Variants in COL26A1 observed in about 807,000 individuals in gnomAD.
COL26A1 encodes collagen alpha-1(XXVI) chain.
COL26A1 carries 41 observed loss-of-function variants against 59.3 expected under a neutral mutation model. The observed-to-expected ratio is 0.69, with a 90% CI of 0.54 to 0.90. COL26A1 has a LOEUF of 0.90. Among genes scored for constraint, COL26A1 ranks in the 40% least tolerant of loss-of-function variants. The probability of loss-of-function intolerance (pLI) is 0.00; values close to 1 mark genes in which losing one functional copy is unlikely to be tolerated. For missense variants in COL26A1, 612 were observed against 602.3 expected, an observed-to-expected ratio of 1.02 and a Z score of -0.17; for synonymous variants, 266 against 256.0, an observed-to-expected ratio of 1.04 and a Z score of -0.37.
intron 3 of COL26A1, among the ~76,000 whole-genome samples, chr7:101,517,265 C>T (rs898416673): frequency 6.6e-6 from 1 of 152,208 alleles, no homozygotes; most frequent in Admixed American, 6.5e-5. Context: ...CCTGTTCCTC[C>T]GTTGGGTGTC....
chr7:101,536,556 G>A (rs545898989), intron 4 of COL26A1, among the ~76,000 whole-genome samples: 1 of 152,366 alleles, frequency 6.6e-6, no homozygotes, highest in South Asian at 2.1e-4. Flanking sequence ...CAGGACAGGA[G>A]CCAGGCAGGC....
At chr7:101,550,142 A>G (rs964787112) in intron 9 of COL26A1, among the ~76,000 whole-genome samples, 2 of 152,174 alleles carry the variant, frequency 1.3e-5, no homozygotes, top group African/African-American at 2.4e-5. Flanking sequence ...GGGTGATTCC[A>G]TGATCTTATT....
At chr7:101,542,937 A>G (rs986258803) in intron 5 of COL26A1, among the ~76,000 whole-genome samples, 1 of 152,198 alleles carries the variant, frequency 6.6e-6, no homozygotes, top group African/African-American at 2.4e-5. Context: ...ACGAAAGCGC[A>G]TGCCTGGCAA....
Position 101,362,881 on chromosome 7 carries a change from C to A in COL26A1, c.-152C>A. Reference sequence around the variant, plus strand: ...GCCCCGGAGAGGCGTGGGCGCCCCCCACACATTTCCAGCTCGCACCCGGGC... The same window carrying A: ...GCCCCGGAGAGGCGTGGGCGCCCCCAACACATTTCCAGCTCGCACCCGGGC... On this transcript the variant is annotated 5_prime_UTR_variant, in exon 1 of 13. Transcript: ENST00000313669. 1.4e-6 allele frequency: 1 copy of A among 727,704 alleles called. No individual in the cohort carries two copies. 45.1% of individuals were successfully genotyped at this position (727,704 alleles called of 1,614,324 possible).
At chr7:101,363,987 C>T (rs994960586) in intron 1 of COL26A1, among the ~76,000 whole-genome samples, 8 of 152,180 alleles carry the variant, frequency 5.3e-5, no homozygotes, top group African/African-American at 1.9e-4. Context: ...CTGCGACTCC[C>T]CAGCCACCCC....
chr7:101,384,631 C>CT (rs1791525390), intron 1 of COL26A1, among the ~76,000 whole-genome samples: 1 of 152,070 alleles, frequency 6.6e-6, no homozygotes, highest in African/African-American at 2.4e-5. Flanking sequence ...AGTGGAGACT[C>CT]TTATAGTCTT....
intron 3 of COL26A1, among the ~76,000 whole-genome samples, chr7:101,480,650 G>A (rs149585189): frequency 5.3e-5 from 8 of 152,080 alleles, no homozygotes; most frequent in African/African-American, 1.7e-4. Flanking sequence ...ATAGGCGTGC[G>A]TCACCATGCC....
chr7:101,506,825 C>T (rs145792216), intron 3 of COL26A1, among the ~76,000 whole-genome samples: 180 of 152,302 alleles, frequency 1.2e-3, no homozygotes, highest in African/African-American at 4.2e-3. Flanking sequence ...TCATACCTTT[C>T]TGTCCAATCC....
At chr7:101,440,029 G>A (rs946148799) in intron 2 of COL26A1, among the ~76,000 whole-genome samples, 2 of 152,112 alleles carry the variant, frequency 1.3e-5, no homozygotes, top group African/African-American at 2.4e-5. Flanking sequence ...TGTACACCCT[G>A]TTTTTGAGGG....
intron 3 of COL26A1, among the ~76,000 whole-genome samples, chr7:101,505,484 G>A (rs1794794810): frequency 6.6e-6 from 1 of 152,156 alleles, no homozygotes; most frequent in South Asian, 2.1e-4. Context: ...TTGTTAAGGA[G>A]TATTAACTCA....
At chr7:101,403,526 A>G (rs1031262729) in intron 1 of COL26A1, among the ~76,000 whole-genome samples, 1 of 145,404 alleles carries the variant, frequency 6.9e-6, no homozygotes, top group South Asian at 2.2e-4. Context: ...TTCAACAACA[A>G]CAACAAAACA....
Position 101,489,848 on chromosome 7 carries a change from T to TG in COL26A1, c.385+42061_385+42062insG, listed in dbSNP as rs1318804065. On this transcript the variant is annotated intron_variant, in intron 3 of 12. Coordinates refer to ENST00000313669, the MANE Select transcript of COL26A1 (RefSeq NM_001278563.3). ...TTTCTTTCTTTCTTTCTTTCTTTCT[T>TG]TCTTTCTTTCTTTCTTTCTTTCTTT... is the stretch of plus-strand genomic sequence containing the variant. 4.3e-4 allele frequency among the ~76,000 whole-genome samples: 12 copies of TG among 28,232 alleles called. 1 individual carries two copies. The highest frequency in any genetic ancestry group is 1.5e-3 in the South Asian group (1 of 646). The allele number at this position is 28,232 out of a possible 152,430, so 18.5% of individuals were successfully genotyped here.
chr7:101,369,016 ATCC>A (rs1426733694), intron 1 of COL26A1, among the ~76,000 whole-genome samples: 1 of 151,854 alleles, frequency 6.6e-6, no homozygotes, highest in Non-Finnish European at 1.5e-5. Context: ...TTGTGTCTGT[ATCC>A]TCCTCCTTTT....
chr7:101,501,414 G>T (rs1438990313), intron 3 of COL26A1, among the ~76,000 whole-genome samples: 1 of 152,042 alleles, frequency 6.6e-6, no homozygotes, highest in Non-Finnish European at 1.5e-5. Flanking sequence ...CACAGCAGTG[G>T]TGGGGCAAGG....
intron 1 of COL26A1, among the ~76,000 whole-genome samples, chr7:101,400,640 C>G (rs897840870): frequency 2.6e-5 from 4 of 152,240 alleles, no homozygotes; most frequent in Admixed American, 1.3e-4. Flanking sequence ...CTCACTGCAA[C>G]CTCTGCCTCC....
intron 1 of COL26A1, among the ~76,000 whole-genome samples, chr7:101,369,443 C>CTT (rs1210867917): frequency 3.5e-3 from 266 of 75,888 alleles, no homozygotes; most frequent in Middle Eastern, 9.6e-3. Flanking sequence ...TAATCTGCAT[C>CTT]TTTTTTTTTT....
intron 3 of COL26A1, among the ~76,000 whole-genome samples, chr7:101,522,707 C>T (rs1795162534): frequency 6.6e-6 from 1 of 152,012 alleles, no homozygotes; most frequent in South Asian, 2.1e-4. Flanking sequence ...GGCTTATATT[C>T]AGCCTTATTA....
chr7:101,419,684 A>G (rs1792464652), intron 1 of COL26A1, among the ~76,000 whole-genome samples: 1 of 152,160 alleles, frequency 6.6e-6, no homozygotes, highest in Admixed American at 6.5e-5. Flanking sequence ...GGACTGTGTC[A>G]TCTCCTCTCC....
intron 2 of COL26A1, among the ~76,000 whole-genome samples, chr7:101,436,230 T>G (rs1042715301): frequency 2.6e-5 from 4 of 152,134 alleles, no homozygotes; most frequent in African/African-American, 9.7e-5. Context: ...AACGTCTAGC[T>G]TGGATTCTGG....
Sources: allele counts gnomAD v4.1 joint callset (sites outside exome capture counted in the v4.1 genomes callset), GRCh38; gene constraint gnomAD v4.1.1; transcripts MANE v1.5; gene names NCBI Gene and HGNC (gene_info 2026-07-23, HGNC 2026-07-21).